ERI3: variants seen among roughly 807,000 people sequenced by gnomAD.
ERI3 encodes ERI1 exoribonuclease 3.
A neutral mutation model predicts 44.4 loss-of-function variants in ERI3; 18 were observed. The ratio of observed to expected loss-of-function variants is 0.41; its 90% CI spans 0.28 to 0.60. The LOEUF is 0.60. Among genes scored for constraint, ERI3 ranks in the 20% least tolerant of loss-of-function variants. The pLI, the probability that ERI3 is intolerant of heterozygous loss-of-function variation, is 0.36. For synonymous variants in ERI3, 183 were observed against 164.8 expected (o/e 1.11, Z -0.84); for missense variants, 294 against 435.5 (o/e 0.68, Z 2.89).
intron 2 of ERI3, among the ~76,000 whole-genome samples, chr1:44,346,972 C>T (rs908735395): frequency 1.2e-4 from 18 of 152,060 alleles, no homozygotes; most frequent in Non-Finnish European, 2.1e-4. Context: ...GGCATTGTAT[C>T]GATGATTTAC....
At chr1:44,311,450 G>T (rs930800863) in intron 5 of ERI3, among the ~76,000 whole-genome samples, 1 of 152,122 alleles carries the variant, frequency 6.6e-6, no homozygotes, top group Non-Finnish European at 1.5e-5. Context: ...GCCCGGTCCG[G>T]TCTCCTACCT....
chr1:44,265,454 A>G (rs909585821), intron 7 of ERI3, among the ~76,000 whole-genome samples: 1 of 152,226 alleles, frequency 6.6e-6, no homozygotes, highest in African/African-American at 2.4e-5. Context: ...ACTGAGTACT[A>G]TCCACAGACT....
At chr1:44,322,987 T>C (rs1646234772) in intron 3 of ERI3, 4 of 1,317,262 alleles carry the variant, frequency 3.0e-6, no homozygotes, top group Non-Finnish European at 4.0e-6. Flanking sequence ...CTATGTCCAG[T>C]TGCTCAGATA....
chr1:44,257,316 C>T (rs1343049869), intron 7 of ERI3, among the ~76,000 whole-genome samples: 2 of 151,960 alleles, frequency 1.3e-5, no homozygotes, highest in African/African-American at 4.8e-5. Context: ...GTACTCCCCC[C>T]AACCCACCCC....
intron 8 of ERI3, among the ~76,000 whole-genome samples, chr1:44,237,563 A>C (rs1474516109): frequency 3.3e-5 from 5 of 152,192 alleles, no homozygotes; most frequent in South Asian, 2.1e-4. Flanking sequence ...CATGAGCCTT[A>C]AACTGAATGA....
chr1:44,275,943 T>C (rs1413229455), intron 7 of ERI3, among the ~76,000 whole-genome samples: 1 of 152,232 alleles, frequency 6.6e-6, no homozygotes, highest in Non-Finnish European at 1.5e-5. Flanking sequence ...ATGATTCTGA[T>C]GCCTGGAAAA....
At chr1:44,333,475 G>A (rs190129118) in intron 3 of ERI3, among the ~76,000 whole-genome samples, 68 of 152,278 alleles carry the variant, frequency 4.5e-4, no homozygotes, top group Middle Eastern at 6.8e-3. Context: ...ACATGGGAAG[G>A]GAAGGGTGGG....
chr1:44,299,513 A>C, intron 6 of ERI3, among the ~76,000 whole-genome samples: 1 of 152,130 alleles, frequency 6.6e-6, no homozygotes, highest in East Asian at 1.9e-4. Flanking sequence ...CCCAAAAACT[A>C]GCTGATGTTC....
intron 7 of ERI3, among the ~76,000 whole-genome samples, chr1:44,250,240 G>C (rs966004635): frequency 6.6e-6 from 1 of 152,208 alleles, no homozygotes; most frequent in Non-Finnish European, 1.5e-5. Context: ...TTAAAGCGAC[G>C]GGCGGGCGGC....
intron 7 of ERI3, among the ~76,000 whole-genome samples, chr1:44,272,622 ACT>A (rs1176535420): frequency 6.6e-6 from 1 of 151,952 alleles, no homozygotes; most frequent in Admixed American, 6.6e-5. Flanking sequence ...CGGGTGGATC[ACT>A]CGAGGCCAGG....
intron 6 of ERI3, among the ~76,000 whole-genome samples, chr1:44,304,599 C>T (rs568758065): frequency 2.0e-5 from 3 of 147,920 alleles, no homozygotes; most frequent in Non-Finnish European, 2.9e-5. Flanking sequence ...ACGGTCACTA[C>T]CCCACAGTGC....
chr1:44,226,771 A>G, intron 8 of ERI3, among the ~76,000 whole-genome samples: 1 of 134,700 alleles, frequency 7.4e-6, no homozygotes, highest in African/African-American at 3.0e-5. Flanking sequence ...CTATCTCAGC[A>G]TTATTAAACA....
At chr1:44,279,901 T>C (rs1214156992) in intron 7 of ERI3, among the ~76,000 whole-genome samples, 1 of 152,250 alleles carries the variant, frequency 6.6e-6, no homozygotes. Flanking sequence ...TAATGTGCAA[T>C]TTTGTTCACA....
intron 7 of ERI3, chr1:44,284,138 C>T (rs2154323326): frequency 3.2e-5 from 15 of 464,570 alleles, no homozygotes; most frequent in South Asian, 2.4e-4. Flanking sequence ...AAGGATTCCT[C>T]TAGAGCAGGG....
intron 3 of ERI3, among the ~76,000 whole-genome samples, chr1:44,330,192 T>A (rs986363772): frequency 6.6e-6 from 1 of 152,218 alleles, no homozygotes; most frequent in African/African-American, 2.4e-5. Context: ...TCCCCAACTG[T>A]ACCCCCATTG....
intron 3 of ERI3, chr1:44,322,916 A>G (rs1198128244): frequency 6.6e-7 from 1 of 1,506,214 alleles, no homozygotes; most frequent in Non-Finnish European, 8.9e-7. Flanking sequence ...CCCCAACACT[A>G]CAGGTTAGTG....
intron 7 of ERI3, among the ~76,000 whole-genome samples, chr1:44,253,970 G>A (rs1472807769): frequency 1.3e-5 from 2 of 152,150 alleles, no homozygotes; most frequent in African/African-American, 2.4e-5. Flanking sequence ...AATATTTGTT[G>A]TTATTTTAAG....
chr1:44,231,776 C>G (rs1381905621), intron 8 of ERI3, among the ~76,000 whole-genome samples: 1 of 152,126 alleles, frequency 6.6e-6, no homozygotes, highest in East Asian at 1.9e-4. Flanking sequence ...TTCTCCCTTG[C>G]CAGTCATTGG....
At chr1:44,295,574 C>T (rs1276846560) in intron 6 of ERI3, among the ~76,000 whole-genome samples, 1 of 152,170 alleles carries the variant, frequency 6.6e-6, no homozygotes, top group Non-Finnish European at 1.5e-5. Flanking sequence ...CCTTCAATGG[C>T]AATTTCCAAC....
Sources: gnomAD v4.1 joint callset for allele counts (sites outside exome capture counted in the v4.1 genomes callset) on GRCh38, gnomAD v4.1.1 for gene constraint, MANE v1.5 for transcripts, NCBI Gene and HGNC (gene_info 2026-07-23, HGNC 2026-07-21) for gene names.